The following MXD4 variants were observed in gnomAD, a reference collection of about 807,000 sequenced individuals.
MXD4 encodes MAX dimerization protein 4.
A neutral mutation model predicts 24.5 loss-of-function variants in MXD4; 16 were observed. The ratio of observed to expected loss-of-function variants is 0.65; its 90% CI spans 0.44 to 0.99. MXD4 has a LOEUF of 0.99. Among genes scored for constraint, MXD4 ranks in the 50% least tolerant of loss-of-function variants. The probability of loss-of-function intolerance (pLI) is 0.00; values close to 1 mark genes in which losing one functional copy is unlikely to be tolerated. For missense variants in MXD4, 301 were observed against 301.5 expected (o/e 1.00, Z 0.01); for synonymous variants, 164 against 134.2 (o/e 1.22, Z -1.54).
Position 2,250,637 on chromosome 4 carries a change from G to C in MXD4, c.537C>G (p.Asp179Glu). ...GELDSVGSSS[D>E]ADDHYSLQSG... ...TCTGCAGGCTGTAGTGGTCGTCCGCGTCACTGCTGCTGCCAACACTGTCCA... is the reference window on the plus strand; with the variant it reads ...TCTGCAGGCTGTAGTGGTCGTCCGCCTCACTGCTGCTGCCAACACTGTCCA... The change falls in exon 6 of 6, where the codon GAC (aspartate) becomes GAG (glutamate). Residue 179 changes from aspartate to glutamate, a missense_variant. Coordinates refer to ENST00000337190, the MANE Select transcript of MXD4 (RefSeq NM_006454.3). 2 of 1,613,630 alleles carry C rather than the reference G, an allele frequency of 1.2e-6. No individual in the cohort carries two copies.
intron 3 of MXD4, among the ~76,000 whole-genome samples, chr4:2,256,920 T>C (rs1208537510): frequency 2.6e-5 from 4 of 152,130 alleles, no homozygotes; most frequent in African/African-American, 7.2e-5. Flanking sequence ...TCCTGGGTCC[T>C]GGTCAAGGCT....
At chr4:2,252,372 C>T in intron 4 of MXD4, 36 bp downstream of exon 4, 1 of 1,549,140 alleles carries the variant, frequency 6.5e-7, no homozygotes. Flanking sequence ...ACTGAGGCAG[C>T]CAGACAGGGC....
chr4:2,251,709 T>C (rs1213562620), intron 4 of MXD4, among the ~76,000 whole-genome samples: 2 of 152,128 alleles, frequency 1.3e-5, no homozygotes, highest in African/African-American at 4.8e-5. Context: ...TCTCTAAACC[T>C]TCCTGTGGGC....
intron 3 of MXD4, among the ~76,000 whole-genome samples, chr4:2,256,891 C>A (rs960547130): frequency 6.6e-6 from 1 of 152,166 alleles, no homozygotes; most frequent in African/African-American, 2.4e-5. Context: ...CCTGAACACC[C>A]CCACGTGCCT....
chr4:2,250,945 C>A (rs1735307812), intron 5 of MXD4, 139 bp downstream of exon 5: 1 of 1,224,726 alleles, frequency 8.2e-7, no homozygotes, highest in Non-Finnish European at 1.1e-6. Flanking sequence ...CGCTTAGTGA[C>A]AAACACACAC....
chr4:2,253,340 A>G (rs1230418156), intron 3 of MXD4: 1 of 152,020 alleles, frequency 6.6e-6, no homozygotes, highest in East Asian at 1.9e-4. Context: ...AGAGGCATCA[A>G]CTCGGCCTGG....
chr4:2,251,249 G>T lies in MXD4; in HGVS notation c.310-3C>A. ...CGGCGGTCCTGCTCCTCCAGTTTCT[G>T]GGGTCGAGGGGGGCTGTGAGCTCAC... On this transcript the variant is annotated splice_region_variant and splice_polypyrimidine_tract_variant and intron_variant, in intron 4 of 5. Coordinates refer to ENST00000337190, the MANE Select transcript of MXD4 (RefSeq NM_006454.3). 1.3e-6 allele frequency: 2 copies of T among 1,585,334 alleles called. No individual in the cohort carries two copies. Among genetic ancestry groups the T allele is most frequent in the Non-Finnish European group, 1.7e-6 (2 of 1,161,816 alleles).
In MXD4 at chr4:2,257,998, C is replaced by T; in HGVS notation, c.178G>A (p.Glu60Lys). ...GTCACTTACCTGTGCTTTTCTAGCT[C>T]GTTGTGTGAAGACCTGTTTAGAAAG... is the stretch of plus-strand genomic sequence containing the variant. The part of the protein sequence containing the change: ...KAPNNRSSHN[E>K]LEKHRRAKLR... Residue 60 changes from glutamate (E) to lysine (K), a missense_variant, in exon 3 of 6, where the codon GAG becomes AAG. Physicochemically the swap from Glu to Lys is moderately conservative, Grantham distance 56 (BLOSUM62 1). Transcript: ENST00000337190. 1 of 1,613,704 alleles carries T rather than the reference C, an allele frequency of 6.2e-7. No individual in the cohort carries two copies. Among genetic ancestry groups the T allele is most frequent in the Non-Finnish European group, 8.5e-7 (1 of 1,179,944 alleles).
chr4:2,252,291 C>T, intron 4 of MXD4, 117 bp downstream of exon 4: 1 of 807,898 alleles, frequency 1.2e-6, no homozygotes, highest in Non-Finnish European at 2.0e-6. Context: ...GCTCCCCACC[C>T]ATCTTCAGGC....
intron 3 of MXD4, among the ~76,000 whole-genome samples, chr4:2,256,908 G>A (rs1015581820): frequency 6.6e-6 from 1 of 152,138 alleles, no homozygotes; most frequent in South Asian, 2.1e-4. Context: ...GCCTGCCCCG[G>A]CTCCTGGGTC....
intron 2 of MXD4, among the ~76,000 whole-genome samples, chr4:2,261,421 A>G (rs1577825936): frequency 6.6e-6 from 1 of 152,176 alleles, no homozygotes; most frequent in Admixed American, 6.5e-5. Context: ...GGAAAAGTCC[A>G]GAACAACTCG....
intron 3 of MXD4, among the ~76,000 whole-genome samples, 159 bp downstream of exon 3, chr4:2,257,823 A>G (rs139524558): frequency 1.7e-3 from 255 of 152,368 alleles, no homozygotes; most frequent in African/African-American, 5.6e-3. Flanking sequence ...AACAGACCTC[A>G]GCCTTCTCCT....
At chr4:2,261,635 C>A in intron 2 of MXD4, 90 bp downstream of exon 2, 1 of 746,138 alleles carries the variant, frequency 1.3e-6, no homozygotes, top group Non-Finnish European at 1.7e-6. Context: ...CTGAGGGCCG[C>A]GGGCCGGGAA....
intron 2 of MXD4, chr4:2,258,821 G>A: frequency 2.3e-6 from 1 of 441,886 alleles, no homozygotes; most frequent in South Asian, 1.6e-5. Flanking sequence ...GTGCTAGCAG[G>A]ATGGGCTGCC....
rs138809622 is a variant in MXD4 at position 2,255,905 on chromosome 4, G to A, written c.194+2077C>T. Among the ~76,000 whole-genome samples the A allele has an allele frequency of 3.3e-3, 507 of 152,298 alleles. 3 individuals carry two copies. Among genetic ancestry groups the A allele is most frequent in the African/African-American group, 0.012 (486 of 41,560 alleles). ...AGAGCCTGGCTGCCGCTGCCGGGGA[G>A]CTGGGGGTGGCCCAGGAGCAAGCGT... is the stretch of plus-strand genomic sequence containing the variant. On this transcript the variant is annotated intron_variant, in intron 3 of 5. Coordinates refer to ENST00000337190, the MANE Select transcript of MXD4 (RefSeq NM_006454.3).
chr4:2,254,970 A>G (rs1230983765), intron 3 of MXD4: 14 of 249,158 alleles, frequency 5.6e-5, no homozygotes, highest in Non-Finnish European at 9.5e-5. Context: ...TGGTCCTACA[A>G]AACTATCCCC....
In MXD4 at chr4:2,250,470, T is replaced by C; in HGVS notation, c.*74A>G. Reference sequence around the variant, plus strand: ...CAGTGGGCCTGTGGAGAGGCTGGCGTCAACTGAAGGAGAACTGGAGGGCTG... The same window carrying C: ...CAGTGGGCCTGTGGAGAGGCTGGCGCCAACTGAAGGAGAACTGGAGGGCTG... On this transcript the variant is annotated 3_prime_UTR_variant, in exon 6 of 6. Coordinates refer to ENST00000337190, the MANE Select transcript of MXD4 (RefSeq NM_006454.3). 6.9e-7 allele frequency: 1 copy of C among 1,448,802 alleles called. No individual in the cohort carries two copies. The highest frequency in any genetic ancestry group is 2.5e-4 in the Middle Eastern group (1 of 4,020). The allele number at this position is 1,448,802 out of a possible 1,614,324, so 89.7% of individuals were successfully genotyped here.
intron 3 of MXD4, 43 bp from the exon 4 acceptor site, chr4:2,252,565 G>A (rs756050471): frequency 5.5e-6 from 8 of 1,455,774 alleles, no homozygotes; most frequent in Non-Finnish European, 6.7e-6. Context: ...GGGTGGGGGA[G>A]GGCAGCAGGC....
At chr4:2,250,953 C>T (rs751222665) in intron 5 of MXD4, 131 bp downstream of exon 5, 1 of 1,240,636 alleles carries the variant, frequency 8.1e-7, no homozygotes, top group East Asian at 2.6e-5. Flanking sequence ...GACAAACACA[C>T]ACCCCAGTGC....
Sources: gnomAD v4.1 joint callset for allele counts (sites outside exome capture counted in the v4.1 genomes callset) on GRCh38, gnomAD v4.1.1 for gene constraint, MANE v1.5 for transcripts, NCBI Gene and HGNC (gene_info 2026-07-23, HGNC 2026-07-21) for gene names.